The following CCDC6 variants were observed in gnomAD, a reference collection of about 807,000 sequenced individuals.
The protein encoded by CCDC6 is coiled-coil domain-containing protein 6.
CCDC6 carries 20 observed loss-of-function variants against 56.6 expected under a neutral mutation model. The ratio of observed to expected loss-of-function variants is 0.35; its 90% confidence interval spans 0.25 to 0.51. The LOEUF (loss-of-function observed/expected upper bound fraction) is 0.51. Among genes scored for constraint, CCDC6 ranks in the 20% least tolerant of loss-of-function variants. The pLI, the probability that CCDC6 is intolerant of heterozygous loss-of-function variation, is 0.95. For synonymous variants in CCDC6, 241 were observed against 234.4 expected (o/e 1.03, Z -0.26); for missense variants, 367 against 601.1 (o/e 0.61, Z 4.07).
At chr10:59,885,927 C>G (rs3793872) in intron 1 of CCDC6, among the ~76,000 whole-genome samples, 1 of 110,470 alleles carries the variant, frequency 9.1e-6, no homozygotes, top group African/African-American at 3.5e-5. Context: ...CCCCCGCCCC[C>G]CCAACTAGAA....
intron 2 of CCDC6, among the ~76,000 whole-genome samples, chr10:59,834,041 C>A (rs962055730): frequency 6.6e-6 from 1 of 152,080 alleles, no homozygotes; most frequent in East Asian, 1.9e-4. Context: ...ACCTGGAAAG[C>A]CAAATGATTA....
intron 5 of CCDC6, among the ~76,000 whole-genome samples, chr10:59,807,540 G>A (rs2070636530): frequency 6.6e-6 from 1 of 152,114 alleles, no homozygotes. Flanking sequence ...ACACATAGAT[G>A]AGATATGGAT....
chr10:59,844,475 G>A (rs1211318658), intron 2 of CCDC6, among the ~76,000 whole-genome samples: 1 of 151,436 alleles, frequency 6.6e-6, no homozygotes, highest in Non-Finnish European at 1.5e-5. Context: ...TCCTTGCAGG[G>A]CACGGTGGCT....
intron 3 of CCDC6, among the ~76,000 whole-genome samples, chr10:59,828,849 T>C (rs2070811084): frequency 1.3e-5 from 2 of 152,210 alleles, no homozygotes. Flanking sequence ...GATTTATTTG[T>C]GATTTTCCCA....
chr10:59,867,973 T>TA (rs1165392926), intron 1 of CCDC6, among the ~76,000 whole-genome samples: 1 of 152,210 alleles, frequency 6.6e-6, no homozygotes, highest in African/African-American at 2.4e-5. Context: ...ATTGATGTAT[T>TA]ATGTTTCCCT....
chr10:59,851,131 G>GA (rs372606692), intron 2 of CCDC6, among the ~76,000 whole-genome samples: 3,747 of 46,390 alleles, frequency 0.081, 123 homozygotes, highest in Non-Finnish European at 0.087. Context: ...CATGTAAATT[G>GA]AAAAAAAAAA....
At chr10:59,886,842 G>C (rs924069371) in intron 1 of CCDC6, among the ~76,000 whole-genome samples, 4 of 152,084 alleles carry the variant, frequency 2.6e-5, no homozygotes, top group African/African-American at 9.7e-5. Flanking sequence ...AACTAGGCAG[G>C]TACAGAAAAA....
chr10:59,797,705 G>C (rs1335395235), intron 7 of CCDC6, among the ~76,000 whole-genome samples: 1 of 149,276 alleles, frequency 6.7e-6, no homozygotes, highest in Non-Finnish European at 1.5e-5. Context: ...GTGTGTGTGT[G>C]TGTGTCTCAG....
chr10:59,867,260 C>A (rs2071185685), intron 1 of CCDC6, among the ~76,000 whole-genome samples: 1 of 152,110 alleles, frequency 6.6e-6, no homozygotes, highest in Non-Finnish European at 1.5e-5. Flanking sequence ...CTGATGGACC[C>A]CTTCTCTCAG....
At chr10:59,842,856 C>T (rs1233075676) in intron 2 of CCDC6, among the ~76,000 whole-genome samples, 2 of 151,212 alleles carry the variant, frequency 1.3e-5, no homozygotes, top group Non-Finnish European at 2.9e-5. Flanking sequence ...CAGGTTCACG[C>T]TATTCTCCTG....
chr10:59,893,336 T>C (rs752489449), intron 1 of CCDC6, among the ~76,000 whole-genome samples: 1 of 152,112 alleles, frequency 6.6e-6, no homozygotes, highest in Non-Finnish European at 1.5e-5. Context: ...TGGTGGCTTA[T>C]GCCTATAATC....
chr10:59,789,093 AG>A lies in CCDC6; in HGVS notation c.*3823del, dbSNP rs71006293. On this transcript the variant is annotated 3_prime_UTR_variant, in exon 9 of 9. Coordinates refer to ENST00000263102, the MANE Select transcript of CCDC6 (RefSeq NM_005436.5). ...TCCAAATCAAGTCCAAAGAAGGCTC[AG>A]GGGTCAACCTGACCAGATACTCTTC... 227,410 of 227,410 alleles carry A rather than the reference AG, an allele frequency of 1. 113,705 individuals carry two copies. The highest frequency in any genetic ancestry group is 1 in the Non-Finnish European group (114,338 of 114,338). The allele number at this position is 227,410 out of a possible 1,614,324, so 14.1% of individuals were successfully genotyped here.
In CCDC6 at chr10:59,791,057, C is replaced by T. The variant is rs1324315185; in HGVS notation, c.*1860G>A. Reference sequence around the variant, plus strand: ...AGAATTCCTTGGAATGGCAATGTACCAGGAGGGTGAGTGAACTGTTGGTGA... The same window carrying T: ...AGAATTCCTTGGAATGGCAATGTACTAGGAGGGTGAGTGAACTGTTGGTGA... On this transcript the variant is annotated 3_prime_UTR_variant, in exon 9 of 9. Transcript: ENST00000263102. 2 of 210,362 alleles carry T rather than the reference C, an allele frequency of 9.5e-6. No individual in the cohort carries two copies. The highest frequency in any genetic ancestry group is 5.9e-5 in the Admixed American group (1 of 16,948). 13.0% of individuals were successfully genotyped at this position (210,362 alleles called of 1,614,324 possible). A position where few individuals can be genotyped will look rare whatever the true frequency, so the allele number is the denominator to read the frequency against.
chr10:59,830,592 T>G (rs12761248), intron 3 of CCDC6, among the ~76,000 whole-genome samples: 1 of 152,194 alleles, frequency 6.6e-6, no homozygotes, highest in Admixed American at 6.5e-5. Flanking sequence ...ATTAAACATA[T>G]TTTATTGTGG....
At chr10:59,866,748 G>A (rs1166095408) in intron 1 of CCDC6, among the ~76,000 whole-genome samples, 2 of 152,146 alleles carry the variant, frequency 1.3e-5, no homozygotes, top group Admixed American at 1.3e-4. Context: ...TCCTTCTATG[G>A]TCTAAACTCA....
chr10:59,849,127 C>G (rs2071017415), intron 2 of CCDC6, among the ~76,000 whole-genome samples: 1 of 152,226 alleles, frequency 6.6e-6, no homozygotes. Context: ...GAATTTAGCT[C>G]TAATGTAGGT....
At chr10:59,873,955 T>C (rs1468349005) in intron 1 of CCDC6, among the ~76,000 whole-genome samples, 1 of 152,202 alleles carries the variant, frequency 6.6e-6, no homozygotes, top group Non-Finnish European at 1.5e-5. Context: ...GTTGAGGCAG[T>C]AGCACATTTA....
At chr10:59,793,248 C>T (rs2070484297) in intron 8 of CCDC6, 137 bp from the exon 9 acceptor site, 2 of 668,292 alleles carry the variant, frequency 3.0e-6, no homozygotes, top group Non-Finnish European at 5.1e-6. Context: ...TTTCTTCATC[C>T]CTACTGGTTT....
intron 3 of CCDC6, among the ~76,000 whole-genome samples, chr10:59,828,893 A>T (rs1165556940): frequency 6.6e-6 from 1 of 152,188 alleles, no homozygotes; most frequent in East Asian, 1.9e-4. Flanking sequence ...CTGGGGAAAA[A>T]GGTAGTCTTC....
Sources: allele counts gnomAD v4.1 joint callset (sites outside exome capture counted in the v4.1 genomes callset), GRCh38; gene constraint gnomAD v4.1.1; transcripts MANE v1.5; gene names NCBI Gene and HGNC (gene_info 2026-07-23, HGNC 2026-07-21).